Variants in RFX2 observed in about 807,000 individuals in gnomAD.
The protein encoded by RFX2 is DNA-binding protein RFX2.
RFX2 carries 20 observed loss-of-function variants against 87.8 expected under a neutral mutation model. The ratio of observed to expected loss-of-function variants is 0.23; its 90% CI spans 0.16 to 0.33. The LOEUF is 0.33. Among genes scored for constraint, RFX2 ranks in the 10% least tolerant of loss-of-function variants. The probability of loss-of-function intolerance (pLI) is 1.00; values close to 1 mark genes in which losing one functional copy is unlikely to be tolerated. For missense variants in RFX2, 767 were observed against 1,012.3 expected, an observed-to-expected ratio of 0.76 and a Z score of 3.29; for synonymous variants, 397 against 431.3, an observed-to-expected ratio of 0.92 and a Z score of 0.98.
rs547494482 is a variant in RFX2 at position 6,089,986 on chromosome 19, G to T, written c.-9+20407C>A. Among the ~76,000 whole-genome samples the T allele has an allele frequency of 9.9e-4, 150 of 152,172 alleles. 4 individuals carry two copies. In the South Asian group the frequency reaches 0.03, roughly 30 times the overall value. The stretch of plus-strand genomic sequence containing the variant: ...TGTTTGTTTGTTTGTTTTGAGACAG[G>T]TTCTCGCTTTTGTCACTCAGGCTGG... On this transcript the variant is annotated intron_variant, in intron 1 of 17. Coordinates refer to ENST00000303657, the MANE Select transcript of RFX2 (RefSeq NM_000635.4).
At chr19:6,048,757 C>G (rs2087230692) in intron 1 of RFX2, among the ~76,000 whole-genome samples, 1 of 152,176 alleles carries the variant, frequency 6.6e-6, no homozygotes, top group African/African-American at 2.4e-5. Flanking sequence ...GTCAAACTTA[C>G]AATAAATTAA....
In RFX2 at chr19:6,110,415, G is replaced by A. The variant is rs957734233; in HGVS notation, c.-31C>T. ...CACCTGGAGTTCGGGCCGGGAGTTC[G>A]GGCAGCGGCTCCCGCGGCGGCGGCA... On this transcript the variant is annotated 5_prime_UTR_variant, in exon 1 of 18. Transcript: ENST00000303657. This position sits in a 1 kb window ranked among gnomAD's most constrained non-coding sequence, Gnocchi z 4.3. 3 of 153,562 alleles carry A rather than the reference G, an allele frequency of 2.0e-5. No individual in the cohort carries two copies. Among genetic ancestry groups the A allele is most frequent in the South Asian group, 1.9e-4 (1 of 5,272 alleles). The allele number at this position is 153,562 out of a possible 1,614,324, so 9.5% of individuals were successfully genotyped here.
rs992094451 is a variant in RFX2, at chr19:6,004,678, A to C, written c.1403-380T>G. Among the ~76,000 whole-genome samples, 1 of 152,198 alleles carries C rather than the reference A, an allele frequency of 6.6e-6. No individual in the cohort carries two copies. Among genetic ancestry groups the C allele is most frequent in the Non-Finnish European group, 1.5e-5 (1 of 68,034 alleles). On this transcript the variant is annotated intron_variant, in intron 12 of 17. Transcript: ENST00000303657. This position sits in a 1 kb window ranked among gnomAD's most constrained non-coding sequence, Gnocchi z 4.8. Reference sequence around the variant, plus strand: ...ACCCCAGACAACGATCCAGCCCCAGATATCAACAGTGCCAAGGGAAAGAGG... The same window carrying C: ...ACCCCAGACAACGATCCAGCCCCAGCTATCAACAGTGCCAAGGGAAAGAGG...
intron 1 of RFX2, among the ~76,000 whole-genome samples, chr19:6,054,170 T>C (rs550027986): frequency 1.3e-5 from 2 of 152,004 alleles, no homozygotes; most frequent in South Asian, 4.1e-4. Flanking sequence ...AACACTTTTT[T>C]AAAAACACAA....
At chr19:6,094,934 C>T (rs2087999584) in intron 1 of RFX2, among the ~76,000 whole-genome samples, 1 of 152,054 alleles carries the variant, frequency 6.6e-6, no homozygotes, top group African/African-American at 2.4e-5. Flanking sequence ...TGAGACCATC[C>T]TGGCTAACAT....
rs978410273 is a variant in RFX2, at chr19:6,088,641, T to G, written c.-9+21752A>C. The stretch of plus-strand genomic sequence containing the variant: ...GAGAAGATAACAAAGTAAATATTAT[T>G]CCTCTCTCTCTTAGAGAAAGCAAAA... On this transcript the variant is annotated intron_variant, in intron 1 of 17. Transcript: ENST00000303657. Among the ~76,000 whole-genome samples the G allele has an allele frequency of 2.0e-5, 3 of 152,146 alleles. No homozygotes were observed. The East Asian group carries it at 5.8e-4, about 29-fold the overall frequency.
At chr19:6,058,124 ACAGTGTGTGTCCC>A (rs1466346677) in intron 1 of RFX2, among the ~76,000 whole-genome samples, 1 of 152,186 alleles carries the variant, frequency 6.6e-6, no homozygotes, top group Non-Finnish European at 1.5e-5. Context: ...ACCAAAGATG[ACAGTGTGTGTCCC>A]CACTTGGCAC....
intron 3 of RFX2, among the ~76,000 whole-genome samples, chr19:6,043,136 G>A (rs967174261): frequency 2.0e-5 from 3 of 152,168 alleles, no homozygotes; most frequent in Non-Finnish European, 4.4e-5. Context: ...CGAATTCTGG[G>A]GTCCAAGTGA....
At chr19:6,036,150 T>A (rs2087019890) in intron 5 of RFX2, among the ~76,000 whole-genome samples, 2 of 152,340 alleles carry the variant, frequency 1.3e-5, no homozygotes, top group South Asian at 4.1e-4. Flanking sequence ...TACTGTAGTC[T>A]GCGAGGAAAG....
intron 1 of RFX2, among the ~76,000 whole-genome samples, chr19:6,100,479 G>A (rs2088102572): frequency 6.6e-6 from 1 of 152,318 alleles, no homozygotes; most frequent in Non-Finnish European, 1.5e-5. Context: ...TGATTAGGCA[G>A]GAGGCTTTGG....
chr19:6,105,112 G>T (rs773143893), intron 1 of RFX2, among the ~76,000 whole-genome samples: 8 of 136,726 alleles, frequency 5.9e-5, no homozygotes, highest in Non-Finnish European at 1.2e-4. Context: ...GTGAGACTCC[G>T]TCTCACAAAA....
Position 6,042,140 on chromosome 19 carries a change from G to T in RFX2, c.181-17C>A, listed in dbSNP as rs375810378. On this transcript the variant is annotated splice_polypyrimidine_tract_variant and intron_variant, in intron 3 of 17. Transcript: ENST00000303657. ...CGGCTGCACCTGAAACATCGGATAC[G>T]CTGCGTTACCGCCAGTCACGCCCTC... 6 of 1,611,728 alleles carry T rather than the reference G, an allele frequency of 3.7e-6. No individual in the cohort carries two copies. The highest frequency in any genetic ancestry group is 5.1e-6 in the Non-Finnish European group (6 of 1,178,872).
chr19:6,036,257 A>C (rs1400937414), intron 5 of RFX2, among the ~76,000 whole-genome samples: 1 of 152,154 alleles, frequency 6.6e-6, no homozygotes, highest in African/African-American at 2.4e-5. Context: ...CTGGGGTGCT[A>C]ATGGCACCGA....
chr19:5,996,031 C>T (rs1472593480), intron 16 of RFX2, among the ~76,000 whole-genome samples: 1 of 152,274 alleles, frequency 6.6e-6, no homozygotes, highest in Non-Finnish European at 1.5e-5. Context: ...CAAAGCCCGG[C>T]GTTCACGCCA....
rs1470663457 is a variant in RFX2, at chr19:6,050,602, A to T, written c.-8-3098T>A. On this transcript the variant is annotated intron_variant, in intron 1 of 17. Coordinates refer to ENST00000303657, the MANE Select transcript of RFX2 (RefSeq NM_000635.4). The surrounding 1 kb of genome is among the most constrained non-coding windows in gnomAD (Gnocchi z 4.6). Reference sequence around the variant, plus strand: ...TGCACTCAACAGCTGGTTAAAGATAATGGAAAGAGTTAGTGAACTTAACAA... The same window carrying T: ...TGCACTCAACAGCTGGTTAAAGATATTGGAAAGAGTTAGTGAACTTAACAA... Among the ~76,000 whole-genome samples the T allele has an allele frequency of 6.6e-6, 1 of 152,218 alleles. No individual in the cohort carries two copies. Among genetic ancestry groups the T allele is most frequent in the Non-Finnish European group, 1.5e-5 (1 of 68,032 alleles).
Position 6,050,127 on chromosome 19 carries a change from A to G in RFX2, c.-8-2623T>C, listed in dbSNP as rs1209185231. Among the ~76,000 whole-genome samples, 1 of 152,224 alleles carries G rather than the reference A, an allele frequency of 6.6e-6. No homozygotes were observed. The highest frequency in any genetic ancestry group is 1.9e-4 in the East Asian group (1 of 5,198). On this transcript the variant is annotated intron_variant, in intron 1 of 17. Transcript: ENST00000303657. This position sits in a 1 kb window ranked among gnomAD's most constrained non-coding sequence, Gnocchi z 4.6. ...GGGGAGATACCAGGGGTCTTGGGGA[A>G]AAACCAGCAGTGCAAAGATAAAAAA...
Position 6,063,411 on chromosome 19 carries a change from C to G in RFX2, c.-8-15907G>C, listed in dbSNP as rs1360730355. On this transcript the variant is annotated intron_variant, in intron 1 of 17. Transcript: ENST00000303657. The surrounding 1 kb of genome is among the most constrained non-coding windows in gnomAD (Gnocchi z 4.0). ...GGTGGCTGCAGTGCATGGAGGGCCA[C>G]CGGAGGCTGGCACTGGTGTCTCCTG... Among the ~76,000 whole-genome samples the G allele has an allele frequency of 6.6e-6, 1 of 152,182 alleles. No individual in the cohort carries two copies. Among genetic ancestry groups the G allele is most frequent in the Non-Finnish European group, 1.5e-5 (1 of 68,026 alleles).
chr19:6,064,505 A>G lies in RFX2; in HGVS notation c.-8-17001T>C, dbSNP rs74695033. Among the ~76,000 whole-genome samples the G allele has an allele frequency of 0.081, 12,366 of 152,286 alleles. 541 individuals carry two copies. The highest frequency in any genetic ancestry group is 0.11 in the Middle Eastern group (31 of 294). On this transcript the variant is annotated intron_variant, in intron 1 of 17. Coordinates refer to ENST00000303657, the MANE Select transcript of RFX2 (RefSeq NM_000635.4). The surrounding 1 kb of genome is among the most constrained non-coding windows in gnomAD (Gnocchi z 4.8). ...ATCTTTCAGAGCGACTCATGCTGCC[A>G]GAGGGTGGAGGAGTGGACCTTGAAA...
Position 6,007,947 on chromosome 19 carries a change from G to A in RFX2, c.1135-145C>T, listed in dbSNP as rs915526026. 6 of 774,770 alleles carry A rather than the reference G, an allele frequency of 7.7e-6. No individual in the cohort carries two copies. The highest frequency in any genetic ancestry group is 4.1e-5 in the Admixed American group (2 of 48,566). 48.0% of individuals were successfully genotyped at this position (774,770 alleles called of 1,614,324 possible). A position where few individuals can be genotyped will look rare whatever the true frequency, so the allele number is the denominator to read the frequency against. ...GGCCACAGAGAGGAGAGGAGCAGGC[G>A]ATGGACATGGATGCGGAGGGGCTGC... On this transcript the variant is annotated intron_variant, in intron 10 of 17. Coordinates refer to ENST00000303657, the MANE Select transcript of RFX2 (RefSeq NM_000635.4). This position sits in a 1 kb window ranked among gnomAD's most constrained non-coding sequence, Gnocchi z 8.2.
Sources: gnomAD v4.1 joint callset for allele counts (sites outside exome capture counted in the v4.1 genomes callset) on GRCh38, gnomAD v4.1.1 for gene constraint, Gnocchi (gnomAD v3.1) non-coding constraint, MANE v1.5 for transcripts, NCBI Gene and HGNC (gene_info 2026-07-23, HGNC 2026-07-21) for gene names.